TLE7: variants seen among roughly 807,000 people sequenced by gnomAD.
TLE7 encodes the protein TLE family member 7.
intron 1 of TLE7, among the ~76,000 whole-genome samples, chr16:71,439,875 G>A (rs2042840507): frequency 3.3e-5 from 5 of 152,148 alleles, no homozygotes. Context: ...CCCCAAAAAT[G>A]GAAAACAGGG....
intron 1 of TLE7, among the ~76,000 whole-genome samples, chr16:71,440,864 A>G (rs1286623898): frequency 6.6e-6 from 1 of 152,180 alleles, no homozygotes; most frequent in East Asian, 1.9e-4. Context: ...GGGACAATGC[A>G]CGGCCAGGCC....
chr16:71,438,940 G>A (rs2145047219), intron 1 of TLE7, among the ~76,000 whole-genome samples: 1 of 152,228 alleles, frequency 6.6e-6, no homozygotes, highest in East Asian at 1.9e-4. Flanking sequence ...TCACAACCAG[G>A]GTAAAGTTGA....
chr16:71,440,750 G>C (rs944823309), intron 1 of TLE7, among the ~76,000 whole-genome samples: 8 of 152,194 alleles, frequency 5.3e-5, no homozygotes, highest in Admixed American at 6.5e-5. Context: ...ACACCTAGTG[G>C]GCCAACACAA....
At chr16:71,437,362 A>G (rs2042830239) in intron 1 of TLE7, among the ~76,000 whole-genome samples, 1 of 151,594 alleles carries the variant, frequency 6.6e-6, no homozygotes. Context: ...AAAAAAAAAA[A>G]AAAAAGGAAA....
intron 5 of TLE7, 26 bp from the exon 6 acceptor site, chr16:71,432,028 T>C (rs2042806464): frequency 5.0e-6 from 2 of 400,846 alleles, no homozygotes; most frequent in Non-Finnish European, 8.8e-6. Flanking sequence ...CACACACTGG[T>C]ATCCCCTTGG....
Position 71,431,497 on chromosome 16 carries a change from C to A in TLE7, c.917G>T (p.Gly306Val). 1 of 400,784 alleles carries A rather than the reference C, an allele frequency of 2.5e-6. No individual in the cohort carries two copies. The highest frequency in any genetic ancestry group is 4.4e-6 in the Non-Finnish European group (1 of 226,244). The allele number at this position is 400,784 out of a possible 1,614,324, so 24.8% of individuals were successfully genotyped here. ...GGAATACAGGATGGTGTCTTCACCT[C>A]CTGTCCAGAATATATTGCCGGTGAT... ...VDITGNIFWT[G>V]GEDTILYSWD... The change falls in exon 7 of 10, where the codon GGA becomes GTA. Residue 306 changes from glycine (G) to valine (V), a missense_variant. Transcript: ENST00000561754. This position sits in a 1 kb window ranked among gnomAD's most constrained non-coding sequence, Gnocchi z 4.5.
At chr16:71,441,584 C>T (rs370518720) in intron 1 of TLE7, among the ~76,000 whole-genome samples, 2 of 152,358 alleles carry the variant, frequency 1.3e-5, no homozygotes, top group African/African-American at 4.8e-5. Flanking sequence ...ATTTTCCTCC[C>T]GCGCTCCCGG....
intron 1 of TLE7, among the ~76,000 whole-genome samples, chr16:71,440,959 G>A (rs1227628889): frequency 6.6e-6 from 1 of 152,178 alleles, no homozygotes. Context: ...GCATGGTGAC[G>A]CTGCCCTTCC....
rs1168452961 is a variant in TLE7 at position 71,433,161 on chromosome 16, C to T, written c.164G>A (p.Gly55Asp). 1 of 398,724 alleles carries T rather than the reference C, an allele frequency of 2.5e-6. No homozygotes were observed. 24.7% of individuals were successfully genotyped at this position (398,724 alleles called of 1,614,324 possible). A position where few individuals can be genotyped will look rare whatever the true frequency, so the allele number is the denominator to read the frequency against. ...AGCAGGGCTGTGCTGTATTGGGGGG[C>T]CCGGGGGCTGCCAGGGCACTCCCAA... The part of the protein sequence containing the change: ...SLLGVPWQPP[G>D]PPIQHSPADQ... The change falls in exon 2 of 10, where the codon GGC (glycine) becomes GAC (aspartate). Residue 55 changes from glycine (G) to aspartate (D), a missense_variant. Coordinates refer to ENST00000561754, the MANE Select transcript of TLE7 (RefSeq NM_001367365.2).
At chr16:71,433,481 A>G (rs1596985323) in intron 1 of TLE7, 61 bp from the exon 2 acceptor site, 1 of 397,162 alleles carries the variant, frequency 2.5e-6, no homozygotes, top group East Asian at 3.6e-5. Context: ...TCTCTTTAGA[A>G]GGGGCAGAGA....
Position 71,430,028 on chromosome 16 carries a change from TC to T in TLE7, c.*233del, listed in dbSNP as rs1216849289. On this transcript the variant is annotated 3_prime_UTR_variant, in exon 10 of 10. Coordinates refer to ENST00000561754, the MANE Select transcript of TLE7 (RefSeq NM_001367365.2). Reference sequence around the variant, plus strand: ...ATTCATTACAAAGGGATCTCAAGTTTCCTGCCAAAACCCAGAAATCAGTGGT... The same window carrying T: ...ATTCATTACAAAGGGATCTCAAGTTTCTGCCAAAACCCAGAAATCAGTGGT... Among the ~76,000 whole-genome samples, 1 of 152,194 alleles carries T rather than the reference TC, an allele frequency of 6.6e-6. No individual in the cohort carries two copies. Among genetic ancestry groups the T allele is most frequent in the Non-Finnish European group, 1.5e-5 (1 of 68,038 alleles).
Position 71,431,753 on chromosome 16 carries a change from G to A in TLE7, c.851+8C>T. On this transcript the variant is annotated splice_region_variant and intron_variant, in intron 6 of 9. Coordinates refer to ENST00000561754, the MANE Select transcript of TLE7 (RefSeq NM_001367365.2). The surrounding 1 kb of genome is among the most constrained non-coding windows in gnomAD (Gnocchi z 4.5). ...GTACACCTGAGTGGCTCTGGAGAGA[G>A]GTCATACCTGATCAAGATTTGGTTC... The A allele has an allele frequency of 2.5e-6, 1 of 400,708 alleles. No homozygotes were observed. The highest frequency in any genetic ancestry group is 4.4e-6 in the Non-Finnish European group (1 of 226,266). 24.8% of individuals were successfully genotyped at this position (400,708 alleles called of 1,614,324 possible). A position where few individuals can be genotyped will look rare whatever the true frequency, so the allele number is the denominator to read the frequency against.
chr16:71,439,483 T>C (rs2042839096), intron 1 of TLE7, among the ~76,000 whole-genome samples: 1 of 151,312 alleles, frequency 6.6e-6, no homozygotes, highest in Non-Finnish European at 1.5e-5. Flanking sequence ...TGGAAGGCAT[T>C]TGGGGGTGGT....
At chr16:71,441,581 T>G (rs2042848549) in intron 1 of TLE7, among the ~76,000 whole-genome samples, 2 of 152,192 alleles carry the variant, frequency 1.3e-5, no homozygotes, top group South Asian at 4.1e-4. Flanking sequence ...TGGATTTTCC[T>G]CCCGCGCTCC....
chr16:71,435,774 G>C (rs556012218), intron 1 of TLE7, among the ~76,000 whole-genome samples: 5 of 152,274 alleles, frequency 3.3e-5, no homozygotes, highest in African/African-American at 1.2e-4. Context: ...CTGATTCTTA[G>C]TTGTTTAAAT....
chr16:71,439,420 G>A, intron 1 of TLE7, among the ~76,000 whole-genome samples: 1 of 152,148 alleles, frequency 6.6e-6, no homozygotes, highest in East Asian at 1.9e-4. Context: ...CACAGAGGGT[G>A]TGTGTTTTGG....
At chr16:71,433,764 C>A (rs916091432) in intron 1 of TLE7, among the ~76,000 whole-genome samples, 1 of 152,072 alleles carries the variant, frequency 6.6e-6, no homozygotes, top group African/African-American at 2.4e-5. Context: ...TTGAGACCAG[C>A]CTGGCCAACA....
intron 1 of TLE7, among the ~76,000 whole-genome samples, chr16:71,439,281 C>T (rs962761448): frequency 1.3e-5 from 2 of 152,082 alleles, no homozygotes; most frequent in Admixed American, 1.3e-4. Flanking sequence ...TACGTAAGGT[C>T]AGAAGGATGG....
intron 1 of TLE7, among the ~76,000 whole-genome samples, chr16:71,441,256 T>C (rs1000428175): frequency 6.6e-6 from 1 of 152,216 alleles, no homozygotes; most frequent in East Asian, 1.9e-4. Context: ...TCACTTTTTT[T>C]TGTTGTTGGT....
Sources: allele counts gnomAD v4.1 joint callset (sites outside exome capture counted in the v4.1 genomes callset), GRCh38; gene constraint gnomAD v4.1.1; non-coding constraint Gnocchi (gnomAD v3.1); transcripts MANE v1.5; gene names NCBI Gene and HGNC (gene_info 2026-07-23, HGNC 2026-07-21).